The following ANKS1B variants were observed in gnomAD, a reference collection of about 807,000 sequenced individuals.
ANKS1B encodes the protein ankyrin repeat and sterile alpha motif domain-containing protein 1B.
A neutral mutation model predicts 148.3 loss-of-function variants in ANKS1B; 36 were observed. The observed-to-expected ratio is 0.24, with a 90% CI of 0.19 to 0.32. The LOEUF (loss-of-function observed/expected upper bound fraction) is 0.32. Among genes scored for constraint, ANKS1B ranks in the 10% least tolerant of loss-of-function variants. The pLI is 1.00. For synonymous variants in ANKS1B, 542 were observed against 560.8 expected (o/e 0.97, Z 0.47); for missense variants, 1,157 against 1,542.6 (o/e 0.75, Z 4.19).
At chr12:99,383,110 G>C (rs1365705923) in intron 12 of ANKS1B, among the ~76,000 whole-genome samples, 1 of 152,082 alleles carries the variant, frequency 6.6e-6, no homozygotes, top group Non-Finnish European at 1.5e-5. Flanking sequence ...ACTCATCCTG[G>C]TTGCCTCCTT....
At position 99,378,652 on chromosome 12, in the gene ANKS1B, CAA is replaced by C. The variant is rs140892353; in HGVS notation, c.1756+20977_1756+20978del. 1.9e-3 allele frequency among the ~76,000 whole-genome samples: 173 copies of C among 90,688 alleles called. 1 individual carries two copies. Among genetic ancestry groups the C allele is most frequent in the African/African-American group, 3.8e-3 (108 of 28,434 alleles). The allele number at this position is 90,688 out of a possible 152,430, so 59.5% of individuals were successfully genotyped here. ...CTGGCAACGGAGTGAGACTCCATCTCAAAAAAAAAAAAAAAAAAAAAGAAAAA... is the reference window on the plus strand; with the variant it reads ...CTGGCAACGGAGTGAGACTCCATCTCAAAAAAAAAAAAAAAAAAAGAAAAA... On this transcript the variant is annotated intron_variant, in intron 12 of 26. Transcript: ENST00000683438.
intron 9 of ANKS1B, among the ~76,000 whole-genome samples, chr12:99,581,895 CT>C (rs2097573787): frequency 1.7e-5 from 2 of 114,292 alleles, no homozygotes; most frequent in African/African-American, 7.0e-5. Context: ...GAGACTCCGT[CT>C]CAAAAAAAAA....
At chr12:98,897,873 A>G (rs1178837751) in intron 17 of ANKS1B, among the ~76,000 whole-genome samples, 2 of 152,234 alleles carry the variant, frequency 1.3e-5, no homozygotes, top group African/African-American at 4.8e-5. Context: ...ATGGGATACT[A>G]TGCAGCCATA....
chr12:99,908,021 C>T (rs1031714239), intron 1 of ANKS1B, among the ~76,000 whole-genome samples: 3 of 152,068 alleles, frequency 2.0e-5, no homozygotes, highest in African/African-American at 7.2e-5. Flanking sequence ...TTAAGAAGAA[C>T]CTGCTAGTAC....
intron 17 of ANKS1B, among the ~76,000 whole-genome samples, chr12:98,881,474 C>T (rs2099707947): frequency 6.6e-6 from 1 of 152,168 alleles, no homozygotes. Context: ...CTTGCATTCA[C>T]TCTTGTAGAG....
chr12:99,339,764 C>T (rs1313187887), intron 12 of ANKS1B, among the ~76,000 whole-genome samples: 2 of 152,136 alleles, frequency 1.3e-5, no homozygotes, highest in African/African-American at 2.4e-5. Context: ...ATCCTCCCTA[C>T]TTCTGCCTTG....
At position 99,389,792 on chromosome 12, in the gene ANKS1B, T is replaced by A. The variant is rs183248803; in HGVS notation, c.1756+9839A>T. Among the ~76,000 whole-genome samples the A allele has an allele frequency of 2.4e-3, 367 of 151,284 alleles. 4 individuals carry two copies. The highest frequency in any genetic ancestry group is 0.012 in the Admixed American group (187 of 15,180). Reference sequence around the variant, plus strand: ...AAATTGAGTTAATAAAAAATTGATTTAAAAAAAAACAGATTTTCAACACAA... The same window carrying A: ...AAATTGAGTTAATAAAAAATTGATTAAAAAAAAAACAGATTTTCAACACAA... On this transcript the variant is annotated intron_variant, in intron 12 of 26. Coordinates refer to ENST00000683438, the MANE Select transcript of ANKS1B (RefSeq NM_001352186.2).
At chr12:99,704,771 G>T (rs1344194497) in intron 8 of ANKS1B, among the ~76,000 whole-genome samples, 1 of 152,062 alleles carries the variant, frequency 6.6e-6, no homozygotes, top group East Asian at 1.9e-4. Context: ...CTAGAAAGGT[G>T]CTGCATCTGA....
intron 14 of ANKS1B, among the ~76,000 whole-genome samples, chr12:99,182,012 C>G (rs2079175207): frequency 6.6e-6 from 1 of 152,056 alleles, no homozygotes; most frequent in African/African-American, 2.4e-5. Flanking sequence ...CATTTTCACA[C>G]TGCTATAAAG....
chr12:99,123,069 C>A (rs1461574096), intron 15 of ANKS1B, among the ~76,000 whole-genome samples: 1 of 147,306 alleles, frequency 6.8e-6, no homozygotes, highest in African/African-American at 2.5e-5. Context: ...AAAAAAACCC[C>A]AAAAAAACAA....
chr12:98,745,637 C>G lies in ANKS1B; in HGVS notation c.*102G>C. On this transcript the variant is annotated 3_prime_UTR_variant, in exon 27 of 27. Coordinates refer to ENST00000683438, the MANE Select transcript of ANKS1B (RefSeq NM_001352186.2). ...CCGTAACAAGGCCGCACGCTCAGAGCAGTCTTCCTCCTGGGCTGGGTGGAC... is the reference window on the plus strand; with the variant it reads ...CCGTAACAAGGCCGCACGCTCAGAGGAGTCTTCCTCCTGGGCTGGGTGGAC... 1 of 1,521,282 alleles carries G rather than the reference C, an allele frequency of 6.6e-7. No homozygotes were observed. The highest frequency in any genetic ancestry group is 2.4e-5 in the East Asian group (1 of 41,720). 94.2% of individuals were successfully genotyped at this position (1,521,282 alleles called of 1,614,324 possible). A position where few individuals can be genotyped will look rare whatever the true frequency, so the allele number is the denominator to read the frequency against.
chr12:98,911,430 T>C (rs955716757), intron 17 of ANKS1B, among the ~76,000 whole-genome samples: 41 of 152,180 alleles, frequency 2.7e-4, no homozygotes, highest in Admixed American at 2.5e-3. Context: ...CACAAATCTT[T>C]CCCCAAATAT....
At chr12:99,177,059 G>C (rs927730500) in intron 14 of ANKS1B, among the ~76,000 whole-genome samples, 2 of 152,062 alleles carry the variant, frequency 1.3e-5, no homozygotes, top group Non-Finnish European at 2.9e-5. Context: ...ATCCTTCAAA[G>C]TACCAATTTG....
chr12:98,973,172 A>C (rs1457427926), intron 17 of ANKS1B, among the ~76,000 whole-genome samples: 1 of 151,862 alleles, frequency 6.6e-6, no homozygotes, highest in African/African-American at 2.4e-5. Flanking sequence ...AAGATCTTGT[A>C]AGTTGGGTAT....
At chr12:99,814,294 TA>T (rs2068819940) in intron 2 of ANKS1B, among the ~76,000 whole-genome samples, 1 of 151,676 alleles carries the variant, frequency 6.6e-6, no homozygotes, top group Non-Finnish European at 1.5e-5. Flanking sequence ...ACTATAATGA[TA>T]ATGTCTACTC....
chr12:99,118,159 C>T (rs1231531441), intron 15 of ANKS1B, among the ~76,000 whole-genome samples: 1 of 152,080 alleles, frequency 6.6e-6, no homozygotes, highest in African/African-American at 2.4e-5. Flanking sequence ...GATGCTGAGA[C>T]TGTATGCAAA....
chr12:99,944,036 TCTC>T (rs1001321921), intron 1 of ANKS1B, among the ~76,000 whole-genome samples: 5 of 151,854 alleles, frequency 3.3e-5, no homozygotes, highest in Admixed American at 3.3e-4. Context: ...TCCTGCTCCT[TCTC>T]CTATAAATCC....
intron 17 of ANKS1B, among the ~76,000 whole-genome samples, chr12:98,842,913 G>A (rs895888816): frequency 3.3e-5 from 5 of 152,128 alleles, no homozygotes; most frequent in Admixed American, 2.0e-4. Context: ...GTATATTTTT[G>A]AGGGTCTTAA....
chr12:99,011,095 G>A (rs1055877353), intron 17 of ANKS1B, among the ~76,000 whole-genome samples: 1 of 151,832 alleles, frequency 6.6e-6, no homozygotes, highest in Non-Finnish European at 1.5e-5. Flanking sequence ...CTGACTCAAT[G>A]CTCACCTTCA....
Sources: gnomAD v4.1 joint callset for allele counts (sites outside exome capture counted in the v4.1 genomes callset) on GRCh38, gnomAD v4.1.1 for gene constraint, MANE v1.5 for transcripts, NCBI Gene and HGNC (gene_info 2026-07-23, HGNC 2026-07-21) for gene names.